The following UNC79 variants were observed in gnomAD, a reference collection of about 807,000 sequenced individuals.
UNC79 encodes unc-79 subunit of NALCN channel complex, also known as protein unc-79 homolog.
Under a neutral mutation model 283.1 loss-of-function variants are expected in UNC79, and 37 were observed. The observed-to-expected ratio is 0.13, with a 90% confidence interval of 0.10 to 0.17. The LOEUF (loss-of-function observed/expected upper bound fraction) is 0.17. UNC79 is among the 10% of genes least tolerant of loss of function. The probability of loss-of-function intolerance (pLI) is 1.00; values close to 1 mark genes in which losing one functional copy is unlikely to be tolerated. For missense variants in UNC79, 2,272 were observed against 3,211.1 expected, an observed-to-expected ratio of 0.71 and a Z score of 7.07; for synonymous variants, 1,107 against 1,200.2, an observed-to-expected ratio of 0.92 and a Z score of 1.61.
chr14:93,624,259 C>G (rs2067371082), intron 30 of UNC79, among the ~76,000 whole-genome samples: 1 of 152,200 alleles, frequency 6.6e-6, no homozygotes, highest in Non-Finnish European at 1.5e-5. Context: ...CTGTAAAAAT[C>G]TGTTGAATGA....
At chr14:93,339,186 C>T (rs2053646156) in intron 1 of UNC79, among the ~76,000 whole-genome samples, 1 of 152,200 alleles carries the variant, frequency 6.6e-6, no homozygotes, top group Non-Finnish European at 1.5e-5. Flanking sequence ...TACAGATGTT[C>T]ACACAGAGAC....
At position 93,688,547 on chromosome 14, in the gene UNC79, G is replaced by A. The variant is rs1477776880; in HGVS notation, c.6910-118G>A. 10 of 1,150,736 alleles carry A rather than the reference G, an allele frequency of 8.7e-6. No individual in the cohort carries two copies. Among genetic ancestry groups the A allele is most frequent in the Non-Finnish European group, 1.2e-5 (10 of 818,256 alleles). 71.3% of individuals were successfully genotyped at this position (1,150,736 alleles called of 1,614,324 possible). A position where few individuals can be genotyped will look rare whatever the true frequency, so the allele number is the denominator to read the frequency against. ...GAAGGCTCTGAAGAAGTTTAAGCAG[G>A]TTGTTTGCTCAGAGTGGCGATAAGC... On this transcript the variant is annotated intron_variant, in intron 43 of 48. Transcript: ENST00000555664. The surrounding 1 kb of genome is among the most constrained non-coding windows in gnomAD (Gnocchi z 4.0).
intron 26 of UNC79, among the ~76,000 whole-genome samples, chr14:93,611,830 C>G (rs972719346): frequency 6.6e-6 from 1 of 151,216 alleles, no homozygotes; most frequent in Non-Finnish European, 1.5e-5. Flanking sequence ...TTTAGAAATT[C>G]TAATGTTTCT....
intron 40 of UNC79, among the ~76,000 whole-genome samples, chr14:93,669,634 A>G (rs2072619304): frequency 6.6e-6 from 1 of 152,146 alleles, no homozygotes; most frequent in Non-Finnish European, 1.5e-5. Context: ...TTGTATGTGT[A>G]TTAAGGTAAC....
chr14:93,586,648 A>T, exon 21 of UNC79: 2 of 1,613,988 alleles, frequency 1.2e-6, no homozygotes, highest in Non-Finnish European at 1.7e-6. Context: ...TTCCGGTAAC[A>T]TTGAGACTAA....
intron 1 of UNC79, among the ~76,000 whole-genome samples, chr14:93,404,486 T>TAAAAA (rs34406486): frequency 0.021 from 1,092 of 52,506 alleles, 105 homozygotes; most frequent in African/African-American, 0.064. Context: ...TGAGACCTTC[T>TAAAAA]AAAAAAAATA....
At chr14:93,546,071 A>C (rs1349873839) in intron 14 of UNC79, among the ~76,000 whole-genome samples, 1 of 152,196 alleles carries the variant, frequency 6.6e-6, no homozygotes, top group Non-Finnish European at 1.5e-5. Flanking sequence ...AAAAAACATG[A>C]AAAGCTATCT....
chr14:93,513,730 A>G (rs2059933942), intron 7 of UNC79, among the ~76,000 whole-genome samples: 1 of 152,170 alleles, frequency 6.6e-6, no homozygotes, highest in Non-Finnish European at 1.5e-5. Flanking sequence ...TTGTTGTTAA[A>G]TATAGTCAAC....
intron 42 of UNC79, among the ~76,000 whole-genome samples, chr14:93,683,664 C>A (rs916488543): frequency 6.6e-6 from 1 of 151,928 alleles, no homozygotes; most frequent in Admixed American, 6.6e-5. Context: ...AATTAAAAGA[C>A]GAACATTCCA....
intron 1 of UNC79, among the ~76,000 whole-genome samples, chr14:93,404,712 G>A (rs1595436647): frequency 6.6e-6 from 1 of 150,670 alleles, no homozygotes; most frequent in African/African-American, 2.4e-5. Context: ...ATAAGCTTAA[G>A]TATATCAGAA....
At chr14:93,483,785 C>T (rs936462400) in intron 4 of UNC79, among the ~76,000 whole-genome samples, 7 of 150,876 alleles carry the variant, frequency 4.6e-5, no homozygotes, top group South Asian at 2.1e-4. Context: ...TGAGAACATG[C>T]GGTGTTTGGT....
intron 26 of UNC79, among the ~76,000 whole-genome samples, chr14:93,609,090 C>G (rs1423445523): frequency 6.6e-6 from 1 of 152,138 alleles, no homozygotes; most frequent in African/African-American, 2.4e-5. Flanking sequence ...TCCTGTCCTC[C>G]CTCCTTTCTT....
At chr14:93,347,351 T>G (rs777043642) in intron 1 of UNC79, 1 of 1,594,048 alleles carries the variant, frequency 6.3e-7, no homozygotes, top group South Asian at 1.1e-5. Context: ...GCTCCCCGCT[T>G]CGCCCACTCG....
At chr14:93,552,396 T>C (rs908870382) in intron 14 of UNC79, among the ~76,000 whole-genome samples, 5 of 152,196 alleles carry the variant, frequency 3.3e-5, no homozygotes, top group African/African-American at 1.2e-4. Flanking sequence ...GAATAAGCCT[T>C]AGTTTGCAGG....
intron 7 of UNC79, 26 bp from the exon 8 acceptor site, chr14:93,523,951 AT>A (rs1231322486): frequency 1.2e-6 from 2 of 1,612,190 alleles, no homozygotes; most frequent in Non-Finnish European, 1.7e-6. Flanking sequence ...AATGAGAAGT[AT>A]TCATCAGCTG....
intron 7 of UNC79, among the ~76,000 whole-genome samples, chr14:93,523,514 T>A (rs1448943047): frequency 1.3e-5 from 2 of 152,180 alleles, no homozygotes; most frequent in African/African-American, 4.8e-5. Flanking sequence ...TAGCATAATA[T>A]ACAATCATGA....
chr14:93,592,494 T>A (rs2064770324), intron 22 of UNC79, among the ~76,000 whole-genome samples: 1 of 152,152 alleles, frequency 6.6e-6, no homozygotes, highest in Non-Finnish European at 1.5e-5. Context: ...TTCCTTAAAT[T>A]TTTTCACTAG....
At chr14:93,393,992 T>TTTA (rs2054937769) in intron 1 of UNC79, among the ~76,000 whole-genome samples, 1 of 152,100 alleles carries the variant, frequency 6.6e-6, no homozygotes, top group Non-Finnish European at 1.5e-5. Flanking sequence ...TTTTTTTTTT[T>TTTA]AGGACATCTG....
chr14:93,683,341 G>C (rs1243458563), intron 42 of UNC79, among the ~76,000 whole-genome samples: 1 of 152,162 alleles, frequency 6.6e-6, no homozygotes, highest in Non-Finnish European at 1.5e-5. Context: ...GCTTGATTGT[G>C]GTTGGGGAAA....
Sources: allele counts gnomAD v4.1 joint callset (sites outside exome capture counted in the v4.1 genomes callset), GRCh38; gene constraint gnomAD v4.1.1; non-coding constraint Gnocchi (gnomAD v3.1); transcripts MANE v1.5; gene names NCBI Gene and HGNC (gene_info 2026-07-23, HGNC 2026-07-21).